The following SASH1 variants were observed in gnomAD, a reference collection of about 807,000 sequenced individuals.
SASH1 encodes the protein SAM and SH3 domain containing 1, also known as SAM and SH3 domain-containing protein 1.
Under a neutral mutation model 125.2 loss-of-function variants are expected in SASH1, and 44 were observed. That is an observed-to-expected ratio of 0.35 (90% CI 0.28 to 0.45). The LOEUF is 0.45. Ranked by LOEUF, SASH1 falls within the 20% of genes least tolerant of loss-of-function variation. The pLI is 1.00. For missense variants in SASH1, 1,426 were observed against 1,614.5 expected (o/e 0.88, Z 2.00); for synonymous variants, 639 against 649.1 (o/e 0.98, Z 0.24).
chr6:148,448,149 TGTGC>T (rs1473461940), intron 4 of SASH1, among the ~76,000 whole-genome samples: 8 of 151,988 alleles, frequency 5.3e-5, no homozygotes, highest in East Asian at 1.9e-4. Context: ...TATGTGTGTG[TGTGC>T]GTGCGTGCGT....
intron 2 of SASH1, among the ~76,000 whole-genome samples, chr6:148,435,327 G>A (rs971503071): frequency 8.3e-5 from 12 of 145,282 alleles, no homozygotes; most frequent in Admixed American, 2.1e-4. Flanking sequence ...GCAGTAAGCC[G>A]AAGATCGTGC....
At chr6:148,453,286 A>G (rs754783) in intron 4 of SASH1, among the ~76,000 whole-genome samples, 14,016 of 152,226 alleles carry the variant, frequency 0.092, 705 homozygotes, top group South Asian at 0.13. Flanking sequence ...TCTCTCCTGC[A>G]TAAGAAGAAA....
intron 1 of SASH1, among the ~76,000 whole-genome samples, chr6:148,389,513 A>G (rs1273693183): frequency 6.6e-6 from 1 of 152,268 alleles, no homozygotes; most frequent in Non-Finnish European, 1.5e-5. Context: ...AATAATGAAT[A>G]TTAATGAACA....
At chr6:148,514,085 C>A in intron 8 of SASH1, 3 of 1,233,180 alleles carry the variant, frequency 2.4e-6, no homozygotes, top group Non-Finnish European at 2.0e-6. Flanking sequence ...CACTTGCCCC[C>A]ACTTGCCCTT....
intron 7 of SASH1, 82 bp from the exon 8 acceptor site, chr6:148,487,532 T>G: frequency 1.0e-6 from 1 of 969,312 alleles, no homozygotes; most frequent in Non-Finnish European, 1.6e-6. Context: ...CTAGATGTAT[T>G]ATTTGAGTCA....
At chr6:148,334,985 AAAAAG>A (rs1781110802) in intron 1 of SASH1, among the ~76,000 whole-genome samples, 1 of 149,322 alleles carries the variant, frequency 6.7e-6, no homozygotes, top group African/African-American at 2.5e-5. Context: ...AAAAAAAAAA[AAAAAG>A]AAAAGAAAAG....
rs1184664789 is a variant in SASH1 at position 148,387,616 on chromosome 6, CTT to C, written c.157-2516_157-2515del. ...TCTTTCTTTCTTTCTTTCTTTCTTT[CTT>C]TCTTTCTTTCTTTCTTTCTTTCTTT... On this transcript the variant is annotated intron_variant, in intron 1 of 19. Coordinates refer to ENST00000367467, the MANE Select transcript of SASH1 (RefSeq NM_015278.5). 2.2e-3 allele frequency among the ~76,000 whole-genome samples: 46 copies of C among 21,032 alleles called. 8 individuals carry two copies. Among genetic ancestry groups the C allele is most frequent in the Middle Eastern group, 0.071 (2 of 28 alleles). The allele number at this position is 21,032 out of a possible 152,430, so 13.8% of individuals were successfully genotyped here. A position where few individuals can be genotyped will look rare whatever the true frequency, so the allele number is the denominator to read the frequency against.
chr6:148,428,515 G>T (rs564478285), intron 2 of SASH1, among the ~76,000 whole-genome samples: 4 of 151,642 alleles, frequency 2.6e-5, no homozygotes, highest in Non-Finnish European at 5.9e-5. Context: ...TGTAATCCCA[G>T]CTACTCGGGA....
At chr6:148,259,516 T>G in the SASH1 span, among the ~76,000 whole-genome samples, 1 of 152,204 alleles carries the variant, frequency 6.6e-6, no homozygotes, top group South Asian at 2.1e-4. Flanking sequence ...CATTCGGTCC[T>G]TCACCCATCC....
At chr6:148,379,978 G>A (rs1356306742) in intron 1 of SASH1, 6 of 456,250 alleles carry the variant, frequency 1.3e-5, no homozygotes, top group South Asian at 4.7e-5. Context: ...GATGCGGAAC[G>A]TAGGTGCCAC....
At chr6:148,399,067 T>C (rs1784064858) in intron 2 of SASH1, among the ~76,000 whole-genome samples, 1 of 152,080 alleles carries the variant, frequency 6.6e-6, no homozygotes, top group Non-Finnish European at 1.5e-5. Flanking sequence ...TCAGTTCAGG[T>C]GTTTCCAACC....
At chr6:148,509,731 T>C (rs571068888) in intron 8 of SASH1, among the ~76,000 whole-genome samples, 1 of 152,334 alleles carries the variant, frequency 6.6e-6, no homozygotes, top group African/African-American at 2.4e-5. Flanking sequence ...AGTGACAGGT[T>C]TACTTGGAGC....
rs546450972 is a variant in SASH1, at chr6:148,396,884, G to GA, written c.285+6629dup. ...TCTCAAAGTTATTAGAGGCTTAAAT[G>GA]AAAAAAATTGCTGTCATCATAAGTG... On this transcript the variant is annotated intron_variant, in intron 2 of 19. Transcript: ENST00000367467. Among the ~76,000 whole-genome samples the GA allele has an allele frequency of 3.9e-3, 599 of 152,200 alleles. 4 individuals are homozygous for GA. The highest frequency in any genetic ancestry group is 0.014 in the African/African-American group (587 of 41,512).
intron 1 of SASH1, among the ~76,000 whole-genome samples, chr6:148,383,171 G>C (rs1369304828): frequency 6.6e-6 from 1 of 152,146 alleles, no homozygotes; most frequent in East Asian, 1.9e-4. Flanking sequence ...ACATTTTTAT[G>C]GTTGTAGCAA....
Position 148,427,335 on chromosome 6 carries a change from T to C in SASH1, c.286-12849T>C, listed in dbSNP as rs1336376551. ...GCTAGTAGAATGAAAAATTGAATTA[T>C]AGAACTTGTTGGATTTGTTTTTTAG... On this transcript the variant is annotated intron_variant, in intron 2 of 19. Transcript: ENST00000367467. Among the ~76,000 whole-genome samples, 4 of 152,196 alleles carry C rather than the reference T, an allele frequency of 2.6e-5. No individual in the cohort carries two copies. The East Asian group carries it at 5.8e-4, about 22-fold the overall frequency.
At chr6:148,263,193 A>G in the SASH1 span, among the ~76,000 whole-genome samples, 2 of 152,166 alleles carry the variant, frequency 1.3e-5, no homozygotes, top group African/African-American at 4.8e-5. Context: ...TCAGTGAATG[A>G]ATATGCAGTA....
At position 148,455,354 on chromosome 6, in the gene SASH1, G is replaced by A. The variant is rs138946460; in HGVS notation, c.387-13191G>A. On this transcript the variant is annotated intron_variant, in intron 4 of 19. Coordinates refer to ENST00000367467, the MANE Select transcript of SASH1 (RefSeq NM_015278.5). The stretch of plus-strand genomic sequence containing the variant: ...AAGCTCTTGGCTTCTACTCTGCATC[G>A]TAAGCACAGGTCGAGTTGGGGGCTG... Among the ~76,000 whole-genome samples the A allele has an allele frequency of 1.5e-3, 224 of 152,282 alleles. 1 individual carries two copies. The East Asian group carries it at 0.02, about 14-fold the overall frequency.
At chr6:148,439,853 T>G (rs1289140859) in intron 2 of SASH1, among the ~76,000 whole-genome samples, 1 of 152,164 alleles carries the variant, frequency 6.6e-6, no homozygotes, top group Non-Finnish European at 1.5e-5. Context: ...GTAAATTCAG[T>G]GTCTTAGTGA....
At chr6:148,285,564 G>GA (rs1554229601) in intron 1 of SASH1, among the ~76,000 whole-genome samples, 2 of 151,124 alleles carry the variant, frequency 1.3e-5, no homozygotes, top group African/African-American at 4.9e-5. Flanking sequence ...GGCTGTTTTG[G>GA]TTTTTTTTTC....
Sources: allele counts gnomAD v4.1 joint callset (sites outside exome capture counted in the v4.1 genomes callset), GRCh38; gene constraint gnomAD v4.1.1; transcripts MANE v1.5; gene names NCBI Gene and HGNC (gene_info 2026-07-23, HGNC 2026-07-21).